The following MRPL18 variants were observed in gnomAD, a reference collection of about 807,000 sequenced individuals.
MRPL18 encodes large ribosomal subunit protein uL18m.
In MRPL18, 16 loss-of-function variants were observed where a neutral mutation model predicts 20.9. The observed-to-expected ratio is 0.76, with a 90% CI of 0.52 to 1.16. MRPL18 has a LOEUF of 1.16. Among genes scored for constraint, MRPL18 ranks in the 50% most tolerant of loss-of-function variants. MRPL18 has a pLI of 0.00. For missense variants in MRPL18, 233 were observed against 230.6 expected, an observed-to-expected ratio of 1.01 and a Z score of -0.07; for synonymous variants, 91 against 87.1, an observed-to-expected ratio of 1.04 and a Z score of -0.25.
At chr6:159,790,695 T>G (rs1439067374) in intron 1 of MRPL18, 56 bp downstream of exon 1, 6 of 1,600,336 alleles carry the variant, frequency 3.7e-6, no homozygotes, top group Non-Finnish European at 5.1e-6. Context: ...GCACAGTACA[T>G]TGGAACGTGC....
chr6:159,790,893 C>T, intron 1 of MRPL18, 47 bp from the exon 2 acceptor site: 1 of 1,607,614 alleles, frequency 6.2e-7, no homozygotes, highest in Non-Finnish European at 8.5e-7. Context: ...CGTGCGCTGT[C>T]CATATCCGTC....
chr6:159,790,673 T>A, intron 1 of MRPL18, 34 bp downstream of exon 1: 1 of 1,612,148 alleles, frequency 6.2e-7, no homozygotes, highest in South Asian at 1.1e-5. Context: ...CCCAGCTCAC[T>A]CGCCTGGGCT....
At chr6:159,795,190 G>A (rs180949451) in intron 2 of MRPL18, among the ~76,000 whole-genome samples, 73 of 152,246 alleles carry the variant, frequency 4.8e-4, no homozygotes, top group Non-Finnish European at 8.8e-4. Flanking sequence ...CATTGCCCAG[G>A]GACAGGCAGG....
rs1780854242 is a variant in MRPL18, at chr6:159,790,662, TCCC to T, written c.52+24_52+26del. ...CTGGTAATTAGTCTTGCCCCCCTTC[TCCC>T]AGCTCACTCGCCTGGGCTTGCACAG... On this transcript the variant is annotated intron_variant, in intron 1 of 3. Transcript: ENST00000367034. 6.2e-6 allele frequency: 10 copies of T among 1,613,322 alleles called. No individual in the cohort carries two copies. In the East Asian group the frequency reaches 2.0e-4, roughly 32 times the overall value.
intron 2 of MRPL18, 143 bp from the exon 3 acceptor site, chr6:159,797,144 A>G: frequency 1.3e-6 from 1 of 792,552 alleles, no homozygotes; most frequent in Non-Finnish European, 2.0e-6. Context: ...ACTTTTCCCA[A>G]GCAAAATCCA....
At chr6:159,790,430 G>A (rs1780839228), upstream of MRPL18, 4 of 834,164 alleles carry the variant, frequency 4.8e-6, no homozygotes, top group Non-Finnish European at 7.7e-6. Context: ...TCAGTGGCAG[G>A]GGACTTGCTA....
Position 159,790,657 on chromosome 6 carries a change from C to G in MRPL18, c.52+18C>G, listed in dbSNP as rs745644828. On this transcript the variant is annotated intron_variant, in intron 1 of 3. Transcript: ENST00000367034. The stretch of plus-strand genomic sequence containing the variant: ...GAACCCTGGTAATTAGTCTTGCCCC[C>G]CTTCTCCCAGCTCACTCGCCTGGGC... The G allele has an allele frequency of 1.2e-6, 2 of 1,613,660 alleles. No homozygotes were observed. The highest frequency in any genetic ancestry group is 1.7e-5 in the Admixed American group (1 of 59,980).
At chr6:159,789,853 A>C (rs1411424234), upstream of MRPL18, 5 of 300,796 alleles carry the variant, frequency 1.7e-5, no homozygotes, top group African/African-American at 6.4e-5. Flanking sequence ...GATGTTGCGC[A>C]GACGCAGTGG....
intron 2 of MRPL18, among the ~76,000 whole-genome samples, chr6:159,794,824 GAGAA>G (rs765886754): frequency 1.2e-3 from 178 of 152,310 alleles, no homozygotes; most frequent in Middle Eastern, 3.4e-3. Flanking sequence ...ACAAAGTATA[GAGAA>G]AGAAATAAGG....
At chr6:159,790,370 A>C, upstream of MRPL18, 1 of 641,264 alleles carries the variant, frequency 1.6e-6, no homozygotes, top group South Asian at 1.9e-5. Flanking sequence ...GTGCCCCTCG[A>C]CGTGAGCGAT....
At chr6:159,797,968 T>C in intron 3 of MRPL18, 84 bp from the exon 4 acceptor site, 1 of 1,126,604 alleles carries the variant, frequency 8.9e-7, no homozygotes, top group South Asian at 1.4e-5. Context: ...AATTTATTTC[T>C]GTCTTTTGGA....
intron 2 of MRPL18, 79 bp downstream of exon 2, chr6:159,791,205 C>T (rs1780887179): frequency 4.6e-6 from 7 of 1,526,912 alleles, no homozygotes; most frequent in Non-Finnish European, 6.2e-6. Flanking sequence ...AGGCACTCTC[C>T]CAGGTAGCTG....
chr6:159,796,320 A>C (rs905207725), intron 2 of MRPL18, among the ~76,000 whole-genome samples: 2 of 151,624 alleles, frequency 1.3e-5, no homozygotes, highest in South Asian at 4.2e-4. Flanking sequence ...CTCTACAAAA[A>C]AATACAAAAA....
At chr6:159,792,840 A>G (rs6907203) in intron 2 of MRPL18, among the ~76,000 whole-genome samples, 71,833 of 152,048 alleles carry the variant, frequency 0.47, 18,000 homozygotes, top group Non-Finnish European at 0.55. Context: ...CTCTGGCTCT[A>G]TCACCCAGGC....
At chr6:159,796,989 A>C (rs558169146) in intron 2 of MRPL18, among the ~76,000 whole-genome samples, 2 of 147,642 alleles carry the variant, frequency 1.4e-5, no homozygotes, top group African/African-American at 4.9e-5. Flanking sequence ...GCATATGTTC[A>C]GTAACTTAGC....
At chr6:159,794,874 C>T (rs1276503037) in intron 2 of MRPL18, among the ~76,000 whole-genome samples, 1 of 152,148 alleles carries the variant, frequency 6.6e-6, no homozygotes, top group East Asian at 1.9e-4. Flanking sequence ...TATGGAGGAT[C>T]CCGCCAGCCT....
At chr6:159,797,981 G>A (rs1236396521) in intron 3 of MRPL18, 71 bp from the exon 4 acceptor site, 6 of 1,266,416 alleles carry the variant, frequency 4.7e-6, no homozygotes, top group Non-Finnish European at 6.8e-6. Context: ...CTTTTGGAAG[G>A]TGAAAGTATT....
intron 2 of MRPL18, among the ~76,000 whole-genome samples, chr6:159,793,911 C>CA (rs200962587): frequency 0.1 from 13,573 of 132,074 alleles, 835 homozygotes; most frequent in East Asian, 0.33. Flanking sequence ...GACTCCGTCT[C>CA]AAAAAAAAAA....
At chr6:159,792,462 CAA>C (rs1195844067) in intron 2 of MRPL18, among the ~76,000 whole-genome samples, 1 of 152,056 alleles carries the variant, frequency 6.6e-6, no homozygotes, top group African/African-American at 2.4e-5. Flanking sequence ...TCCCTGTCAT[CAA>C]AAGTCTTAAG....
Sources: gnomAD v4.1 joint callset for allele counts (sites outside exome capture counted in the v4.1 genomes callset) on GRCh38, gnomAD v4.1.1 for gene constraint, MANE v1.5 for transcripts, NCBI Gene and HGNC (gene_info 2026-07-23, HGNC 2026-07-21) for gene names.